The following NRG1 variants were observed in gnomAD, a reference collection of about 807,000 sequenced individuals.
The protein encoded by NRG1 is pro-neuregulin-1, membrane-bound isoform.
In NRG1, 18 loss-of-function variants were observed where a neutral mutation model predicts 63.8. That is an observed-to-expected ratio of 0.28 (90% CI 0.19 to 0.42). The LOEUF is 0.42. Ranked by LOEUF, NRG1 falls within the 10% of genes least tolerant of loss-of-function variation. The pLI is 1.00. For synonymous variants in NRG1, 302 were observed against 301.3 expected, an observed-to-expected ratio of 1.00 and a Z score of -0.02; for missense variants, 762 against 814.7, an observed-to-expected ratio of 0.94 and a Z score of 0.79.
intron 1 of NRG1, among the ~76,000 whole-genome samples, chr8:32,512,606 A>G (rs1468175007): frequency 1.3e-5 from 2 of 152,166 alleles, no homozygotes; most frequent in East Asian, 3.9e-4. Context: ...AGTGCCTTTT[A>G]TTGATGACAT....
intron 1 of NRG1, among the ~76,000 whole-genome samples, chr8:31,855,102 G>T (rs1827709196): frequency 6.6e-6 from 1 of 151,992 alleles, no homozygotes; most frequent in Admixed American, 6.5e-5. Flanking sequence ...ATTTGGGGTG[G>T]AGAGTTCTGT....
intron 1 of NRG1, among the ~76,000 whole-genome samples, chr8:31,865,717 C>T (rs1215896175): frequency 2.0e-5 from 3 of 152,120 alleles, no homozygotes; most frequent in African/African-American, 4.8e-5. Context: ...GCCTCTCTAG[C>T]CCTGTGGAAC....
At chr8:32,384,039 A>G (rs986756776) in intron 1 of NRG1, among the ~76,000 whole-genome samples, 1 of 152,176 alleles carries the variant, frequency 6.6e-6, no homozygotes, top group Non-Finnish European at 1.5e-5. Flanking sequence ...GTTTAAGATC[A>G]GACTAGGCAA....
chr8:32,706,342 T>G (rs1816403269), intron 5 of NRG1, among the ~76,000 whole-genome samples: 1 of 152,214 alleles, frequency 6.6e-6, no homozygotes, highest in Admixed American at 6.5e-5. Flanking sequence ...TTTCTACTGC[T>G]AGATAAATGG....
chr8:31,901,473 T>C (rs1383888), intron 1 of NRG1, among the ~76,000 whole-genome samples: 35,463 of 152,146 alleles, frequency 0.23, 5,408 homozygotes, highest in East Asian at 0.68. Flanking sequence ...TTAGTCTTCA[T>C]TCCTGTGTTT....
At chr8:31,862,887 C>G (rs1210850875) in intron 1 of NRG1, among the ~76,000 whole-genome samples, 1 of 152,162 alleles carries the variant, frequency 6.6e-6, no homozygotes, top group African/African-American at 2.4e-5. Flanking sequence ...AGGGAATACT[C>G]CATGGGCACA....
At chr8:32,468,152 A>G (rs572605658) in intron 1 of NRG1, among the ~76,000 whole-genome samples, 1 of 152,292 alleles carries the variant, frequency 6.6e-6, no homozygotes, top group East Asian at 1.9e-4. Flanking sequence ...CCATTAGCAC[A>G]CAAGAAATGA....
At chr8:32,255,842 C>T (rs1019767187) in intron 1 of NRG1, among the ~76,000 whole-genome samples, 5 of 152,174 alleles carry the variant, frequency 3.3e-5, no homozygotes, top group African/African-American at 1.2e-4. Flanking sequence ...CTTTCAGGTA[C>T]ACTAATCAAA....
At chr8:32,631,619 A>G (rs1850327456) in intron 5 of NRG1, among the ~76,000 whole-genome samples, 1 of 152,196 alleles carries the variant, frequency 6.6e-6, no homozygotes. Context: ...ATAGGCAGTT[A>G]TTATCACTGA....
At chr8:32,632,176 A>G (rs892986212) in intron 5 of NRG1, among the ~76,000 whole-genome samples, 1 of 152,200 alleles carries the variant, frequency 6.6e-6, no homozygotes, top group Non-Finnish European at 1.5e-5. Context: ...TTTTAGCAAC[A>G]TTTTAAAATA....
chr8:32,275,417 G>A (rs1851989880), intron 1 of NRG1, among the ~76,000 whole-genome samples: 1 of 152,144 alleles, frequency 6.6e-6, no homozygotes, highest in African/African-American at 2.4e-5. Context: ...AATAAGGCAG[G>A]ACACAGAGAT....
chr8:32,712,648 G>C (rs1818119065), intron 5 of NRG1, among the ~76,000 whole-genome samples: 1 of 152,090 alleles, frequency 6.6e-6, no homozygotes, highest in Non-Finnish European at 1.5e-5. Context: ...ACCTTATTAA[G>C]TCATAGAGTT....
chr8:32,293,322 G>A (rs1053732351), intron 1 of NRG1, among the ~76,000 whole-genome samples: 1 of 152,082 alleles, frequency 6.6e-6, no homozygotes, highest in Non-Finnish European at 1.5e-5. Context: ...TAGACACACA[G>A]GGAAGGCAAT....
At chr8:31,877,503 A>G (rs1428689298) in intron 1 of NRG1, among the ~76,000 whole-genome samples, 1 of 151,790 alleles carries the variant, frequency 6.6e-6, no homozygotes, top group African/African-American at 2.4e-5. Context: ...GTGTGTATGA[A>G]ATAGATAATA....
rs569586347 is a variant in NRG1, at chr8:31,871,782, G to A, written c.37+232351G>A. On this transcript the variant is annotated intron_variant, in intron 1 of 10. Transcript: ENST00000519301. ...AAAAATACCTAAAAAATTGAAATTG[G>A]TTTACCACATATTCCTGTTGGCCCA... Among the ~76,000 whole-genome samples the A allele has an allele frequency of 2.6e-4, 39 of 152,036 alleles. No individual in the cohort carries two copies. The South Asian group carries it at 7.9e-3, about 31-fold the overall frequency.
chr8:32,197,900 G>A (rs1322542533), intron 1 of NRG1, among the ~76,000 whole-genome samples: 1 of 152,112 alleles, frequency 6.6e-6, no homozygotes, highest in Non-Finnish European at 1.5e-5. Flanking sequence ...GGTAAAAATT[G>A]TCACCTAACC....
At chr8:32,168,436 A>C (rs10954831) in intron 1 of NRG1, among the ~76,000 whole-genome samples, 125,075 of 152,090 alleles carry the variant, frequency 0.82, 52,034 homozygotes, top group African/African-American at 0.93. Flanking sequence ...ATCATGAAGT[A>C]TTATCAGGGG....
chr8:31,839,998 A>G (rs1447072611), intron 1 of NRG1, among the ~76,000 whole-genome samples: 1 of 152,150 alleles, frequency 6.6e-6, no homozygotes, highest in African/African-American at 2.4e-5. Context: ...GTCTAGAATA[A>G]CAGAATTGTT....
chr8:32,550,936 C>G (rs573163993), intron 1 of NRG1, among the ~76,000 whole-genome samples: 1 of 152,098 alleles, frequency 6.6e-6, no homozygotes, highest in African/African-American at 2.4e-5. Context: ...CTTTTTACCC[C>G]CTTCGAAGCA....
Sources: gnomAD v4.1 joint callset for allele counts (sites outside exome capture counted in the v4.1 genomes callset) on GRCh38, gnomAD v4.1.1 for gene constraint, MANE v1.5 for transcripts, NCBI Gene and HGNC (gene_info 2026-07-23, HGNC 2026-07-21) for gene names.